Variants in SLC30A8 observed in about 807,000 individuals in gnomAD.
SLC30A8 encodes the protein solute carrier family 30 member 8.
In SLC30A8, 27 loss-of-function variants were observed where a neutral mutation model predicts 36.9. That is an observed-to-expected ratio of 0.73 (90% confidence interval 0.54 to 1.01). The LOEUF (loss-of-function observed/expected upper bound fraction) is 1.01. SLC30A8 is among the 50% of genes least tolerant of loss of function. SLC30A8 has a pLI of 0.00. For synonymous variants in SLC30A8, 164 were observed against 172.4 expected, an observed-to-expected ratio of 0.95 and a Z score of 0.38; for missense variants, 439 against 452.0, an observed-to-expected ratio of 0.97 and a Z score of 0.26.
chr8:117,149,020 C>T (rs1466201676), intron 2 of SLC30A8, among the ~76,000 whole-genome samples: 1 of 152,178 alleles, frequency 6.6e-6, no homozygotes, highest in African/African-American at 2.4e-5. Context: ...CATATTTCCC[C>T]TCATTTCAAT....
chr8:116,959,607 A>C (rs1814346797), intron 1 of SLC30A8, among the ~76,000 whole-genome samples: 1 of 152,172 alleles, frequency 6.6e-6, no homozygotes, highest in South Asian at 2.1e-4. Flanking sequence ...ATTACTTAGA[A>C]ACCATTTGAT....
At chr8:117,016,171 A>T (rs1209949535) in intron 1 of SLC30A8, among the ~76,000 whole-genome samples, 1 of 152,174 alleles carries the variant, frequency 6.6e-6, no homozygotes, top group Non-Finnish European at 1.5e-5. Flanking sequence ...AAAAACTGGG[A>T]TATTGAAGGG....
At position 117,094,706 on chromosome 8, in the gene SLC30A8, G is replaced by C. The variant is rs536767473; in HGVS notation, c.-225-40574G>C. 1.1e-4 allele frequency among the ~76,000 whole-genome samples: 16 copies of C among 152,316 alleles called. No homozygotes were observed. The South Asian group carries it at 2.7e-3, about 26-fold the overall frequency. On this transcript the variant is annotated intron_variant, in intron 2 of 10. Coordinates refer to the SLC30A8 transcript ENST00000427715. Reference sequence around the variant, plus strand: ...GCCCCCAGGCTTCAGGCTCTCCCTGGCTTGAAGGTGGGGCTTTACCTGGGA... The same window carrying C: ...GCCCCCAGGCTTCAGGCTCTCCCTGCCTTGAAGGTGGGGCTTTACCTGGGA...
intron 1 of SLC30A8, among the ~76,000 whole-genome samples, chr8:116,974,020 C>T (rs944889814): frequency 9.9e-5 from 15 of 152,180 alleles, no homozygotes; most frequent in Admixed American, 9.8e-4. Context: ...CTTCCTTACA[C>T]CTTATACATA....
At chr8:117,054,343 C>T (rs1817802506) in intron 2 of SLC30A8, among the ~76,000 whole-genome samples, 1 of 151,998 alleles carries the variant, frequency 6.6e-6, no homozygotes, top group Admixed American at 6.6e-5. Flanking sequence ...TCGAGCAATC[C>T]CCTTGTCTCA....
chr8:117,005,555 G>A (rs2130694184), intron 1 of SLC30A8, among the ~76,000 whole-genome samples: 1 of 152,280 alleles, frequency 6.6e-6, no homozygotes, highest in African/African-American at 2.4e-5. Context: ...GTACTTGTTT[G>A]AATATATCTG....
intron 1 of SLC30A8, among the ~76,000 whole-genome samples, chr8:117,034,854 C>G (rs1817162628): frequency 6.6e-6 from 1 of 152,040 alleles, no homozygotes; most frequent in African/African-American, 2.4e-5. Flanking sequence ...TACATGGTGG[C>G]AGGTGAGAGA....
intron 2 of SLC30A8, among the ~76,000 whole-genome samples, chr8:117,095,196 G>A (rs1245727327): frequency 6.6e-6 from 1 of 152,192 alleles, no homozygotes; most frequent in Non-Finnish European, 1.5e-5. Flanking sequence ...AGCCCTGGCT[G>A]TACCTCTCCG....
At chr8:117,028,077 C>T (rs958137290) in intron 1 of SLC30A8, among the ~76,000 whole-genome samples, 8 of 152,236 alleles carry the variant, frequency 5.3e-5, no homozygotes, top group African/African-American at 1.9e-4. Context: ...TGAAGGCTGC[C>T]GTGCGTTGGT....
chr8:116,950,279 C>T (rs908797031), upstream of SLC30A8: 12 of 167,962 alleles, frequency 7.1e-5, no homozygotes, highest in Non-Finnish European at 1.5e-4. Flanking sequence ...GCGAGGGCTG[C>T]CAGCATGCTG....
chr8:117,087,161 T>C (rs1486502126), intron 2 of SLC30A8, among the ~76,000 whole-genome samples: 1 of 152,144 alleles, frequency 6.6e-6, no homozygotes, highest in East Asian at 1.9e-4. Context: ...CAGTACGTGA[T>C]TGGCATTCAG....
rs542961730 is a variant in SLC30A8, at chr8:117,174,620, C to T, written c.*1939C>T. The T allele has an allele frequency of 3.3e-5, 5 of 152,522 alleles. No homozygotes were observed. The highest frequency in any genetic ancestry group is 4.8e-5 in the African/African-American group (2 of 41,432). 9.4% of individuals were successfully genotyped at this position (152,522 alleles called of 1,614,324 possible). On this transcript the variant is annotated 3_prime_UTR_variant, in exon 8 of 8. Coordinates refer to ENST00000456015, the MANE Select transcript of SLC30A8 (RefSeq NM_173851.3). ...TTGTTTTTCCATATTTTGCATAGGA[C>T]GCCCTAAAGACTAGGTGACTTGGCA...
At chr8:117,149,799 G>A (rs979027876) in intron 2 of SLC30A8, among the ~76,000 whole-genome samples, 7 of 152,116 alleles carry the variant, frequency 4.6e-5, no homozygotes, top group East Asian at 1.9e-4. Context: ...TTTTACAATC[G>A]TTTGTTTCCA....
chr8:116,957,204 G>A (rs142630587), intron 1 of SLC30A8, among the ~76,000 whole-genome samples: 11 of 152,266 alleles, frequency 7.2e-5, no homozygotes, highest in African/African-American at 2.4e-4. Flanking sequence ...AGAAGACATA[G>A]GGCTAAGATG....
chr8:117,057,686 A>C (rs1290481277), intron 2 of SLC30A8, among the ~76,000 whole-genome samples: 1 of 152,160 alleles, frequency 6.6e-6, no homozygotes, highest in Non-Finnish European at 1.5e-5. Flanking sequence ...TGTTGCCAAA[A>C]ATGGTAAGAT....
intron 1 of SLC30A8, among the ~76,000 whole-genome samples, chr8:117,015,544 C>G (rs1021527203): frequency 2.0e-5 from 3 of 151,952 alleles, no homozygotes; most frequent in East Asian, 3.9e-4. Flanking sequence ...GCACCCCCCC[C>G]CCCCAAAAAA....
chr8:116,963,794 C>G (rs935193392), intron 1 of SLC30A8, among the ~76,000 whole-genome samples: 11 of 152,170 alleles, frequency 7.2e-5, no homozygotes, highest in Non-Finnish European at 8.8e-5. Flanking sequence ...ATTACTAGGT[C>G]ACACAGTAAT....
At chr8:117,079,106 G>A (rs963651034) in intron 2 of SLC30A8, among the ~76,000 whole-genome samples, 2 of 151,892 alleles carry the variant, frequency 1.3e-5, no homozygotes, top group African/African-American at 2.4e-5. Flanking sequence ...TCGCCTCCCC[G>A]GTTCAAGTGA....
chr8:117,143,773 A>G (rs1343254465), intron 1 of SLC30A8, among the ~76,000 whole-genome samples: 1 of 151,950 alleles, frequency 6.6e-6, no homozygotes, highest in East Asian at 1.9e-4. Context: ...TTAGTTCTTC[A>G]AGGAGCAGTC....
Sources: gnomAD v4.1 joint callset for allele counts (sites outside exome capture counted in the v4.1 genomes callset) on GRCh38, gnomAD v4.1.1 for gene constraint, MANE v1.5 for transcripts, NCBI Gene and HGNC (gene_info 2026-07-23, HGNC 2026-07-21) for gene names.